Variants in PGCKA1 observed in about 807,000 individuals in gnomAD.
PGCKA1 encodes the protein PDCD10 and GCKIII kinases-associated protein 1.
chr4:37,462,777 GA>G, the PGCKA1 span, among the ~76,000 whole-genome samples: 1 of 151,728 alleles, frequency 6.6e-6, no homozygotes, highest in Non-Finnish European at 1.5e-5. Flanking sequence ...GTCCATAGAT[GA>G]GGTCAGGAGA....
chr4:37,480,449 C>T, the PGCKA1 span, among the ~76,000 whole-genome samples: 1 of 152,236 alleles, frequency 6.6e-6, no homozygotes, highest in Non-Finnish European at 1.5e-5. Flanking sequence ...GCTGAGATCG[C>T]TCCGCTGCAC....
At chr4:37,460,951 G>T in the PGCKA1 span, 1 of 362,826 alleles carries the variant, frequency 2.8e-6, no homozygotes, top group Non-Finnish European at 5.3e-6. Flanking sequence ...TTCTCTTCTG[G>T]GGTTTTTATG....
chr4:37,473,379 A>G, the PGCKA1 span, among the ~76,000 whole-genome samples: 1 of 151,896 alleles, frequency 6.6e-6, no homozygotes, highest in South Asian at 2.1e-4. Context: ...AAAATATGTC[A>G]TTGGATGATT....
At chr4:37,544,747 G>A in the PGCKA1 span, among the ~76,000 whole-genome samples, 1 of 151,462 alleles carries the variant, frequency 6.6e-6, no homozygotes, top group African/African-American at 2.4e-5. Flanking sequence ...TGGGTTGGGG[G>A]TTGGTTTTTT....
At chr4:37,489,802 C>T in the PGCKA1 span, among the ~76,000 whole-genome samples, 1 of 152,102 alleles carries the variant, frequency 6.6e-6, no homozygotes, top group Non-Finnish European at 1.5e-5. Flanking sequence ...AGGGTTTTTC[C>T]AGCACAGATA....
the PGCKA1 span, among the ~76,000 whole-genome samples, chr4:37,501,481 C>T: frequency 6.6e-6 from 1 of 152,170 alleles, no homozygotes; most frequent in Admixed American, 6.5e-5. Context: ...CCATCCCTCA[C>T]CCCTGGTTGT....
chr4:37,510,616 G>A, the PGCKA1 span, among the ~76,000 whole-genome samples: 3 of 149,786 alleles, frequency 2.0e-5, no homozygotes, highest in Non-Finnish European at 3.0e-5. Flanking sequence ...GTGACACAGT[G>A]CCCCCTGTGA....
chr4:37,563,798 T>C, the PGCKA1 span, among the ~76,000 whole-genome samples: 1 of 152,312 alleles, frequency 6.6e-6, no homozygotes, highest in South Asian at 2.1e-4. Flanking sequence ...CTTAATTTTG[T>C]CCAAATGCTT....
chr4:37,551,097 G>T, the PGCKA1 span, among the ~76,000 whole-genome samples: 1 of 152,234 alleles, frequency 6.6e-6, no homozygotes, highest in East Asian at 1.9e-4. Context: ...CAGACTGTCT[G>T]GGCCCACCCA....
the PGCKA1 span, among the ~76,000 whole-genome samples, chr4:37,494,711 A>C: frequency 2.0e-5 from 3 of 152,214 alleles, no homozygotes; most frequent in Non-Finnish European, 4.4e-5. Flanking sequence ...ACTGTTTTCC[A>C]CAATGGCTGA....
the PGCKA1 span, among the ~76,000 whole-genome samples, chr4:37,466,381 CAT>C: frequency 2.6e-5 from 4 of 152,186 alleles, no homozygotes; most frequent in African/African-American, 9.6e-5. Flanking sequence ...AAAGCACACT[CAT>C]AAATTCCAAA....
At chr4:37,476,908 G>A in the PGCKA1 span, among the ~76,000 whole-genome samples, 3 of 152,184 alleles carry the variant, frequency 2.0e-5, no homozygotes, top group African/African-American at 7.2e-5. Flanking sequence ...ACAAGTGTTG[G>A]CAAGGAAGTG....
At chr4:37,487,268 A>G in the PGCKA1 span, among the ~76,000 whole-genome samples, 1 of 152,216 alleles carries the variant, frequency 6.6e-6, no homozygotes, top group Non-Finnish European at 1.5e-5. Flanking sequence ...GAAAAGTTGA[A>G]AGAATTGTAC....
the PGCKA1 span, among the ~76,000 whole-genome samples, chr4:37,495,769 T>TG: frequency 2.0e-5 from 3 of 152,034 alleles, no homozygotes; most frequent in Non-Finnish European, 2.9e-5. Flanking sequence ...GATGGGTTGA[T>TG]GGGTGCAGCA....
chr4:37,459,834 AATTTT>A, the PGCKA1 span, among the ~76,000 whole-genome samples: 33,116 of 135,684 alleles, frequency 0.24, 3,559 homozygotes, highest in East Asian at 0.53. Flanking sequence ...TTTTTTTTTT[AATTTT>A]ATTTTATTTT....
At chr4:37,492,191 G>A in the PGCKA1 span, among the ~76,000 whole-genome samples, 41 of 151,904 alleles carry the variant, frequency 2.7e-4, no homozygotes, top group African/African-American at 7.3e-4. The surrounding 1 kb of genome is among the most constrained non-coding windows in gnomAD (Gnocchi z 4.7). Flanking sequence ...ACAGGTGTGC[G>A]CCACCACTGA....
At chr4:37,467,067 C>G in the PGCKA1 span, among the ~76,000 whole-genome samples, 1 of 152,140 alleles carries the variant, frequency 6.6e-6, no homozygotes, top group South Asian at 2.1e-4. Context: ...CATTGCACTC[C>G]AGCCTGGGTG....
the PGCKA1 span, among the ~76,000 whole-genome samples, chr4:37,542,237 C>A: frequency 6.6e-6 from 1 of 152,150 alleles, no homozygotes; most frequent in Non-Finnish European, 1.5e-5. Flanking sequence ...TACCCTGCAC[C>A]ACTATGCAAA....
chr4:37,499,918 C>CTTTTT, the PGCKA1 span, among the ~76,000 whole-genome samples: 539 of 79,238 alleles, frequency 6.8e-3, 73 homozygotes, highest in African/African-American at 0.024. Context: ...GTCTTCCTAA[C>CTTTTT]TTTTTTTTTT....
Sources: gnomAD v4.1 joint callset for allele counts (sites outside exome capture counted in the v4.1 genomes callset) on GRCh38, gnomAD v4.1.1 for gene constraint, Gnocchi (gnomAD v3.1) non-coding constraint, MANE v1.5 for transcripts, NCBI Gene and HGNC (gene_info 2026-07-23, HGNC 2026-07-21) for gene names.